FN3K: variants seen among roughly 807,000 people sequenced by gnomAD.
FN3K encodes the protein fructosamine 3 kinase, also known as fructosamine-3-kinase.
In FN3K, 24 loss-of-function variants were observed where a neutral mutation model predicts 24.8. The ratio of observed to expected loss-of-function variants is 0.97; its 90% CI spans 0.70 to 1.36. The LOEUF is 1.36. Ranked by LOEUF, FN3K falls within the 40% of genes most tolerant of loss-of-function variation. FN3K has a pLI of 0.00. For missense variants in FN3K, 449 were observed against 416.7 expected (o/e 1.08, Z -0.67); for synonymous variants, 192 against 175.2 (o/e 1.10, Z -0.76).
intron 4 of FN3K, among the ~76,000 whole-genome samples, chr17:82,742,157 G>A (rs1051880586): frequency 3.3e-5 from 5 of 152,034 alleles, no homozygotes; most frequent in African/African-American, 1.2e-4. Context: ...TGCCCTCCTC[G>A]GCCTTCCAAA....
chr17:82,738,511 A>T lies in FN3K; in HGVS notation c.164A>T (p.Glu55Val), dbSNP rs759198126. 6.2e-7 allele frequency: 1 copy of T among 1,611,376 alleles called. No homozygotes were observed. Among genetic ancestry groups the T allele is most frequent in the Non-Finnish European group, 8.5e-7 (1 of 1,179,206 alleles). Residue 55 changes from glutamate to valine, a missense_variant, in exon 2 of 6, where the codon GAG (glutamate) becomes GTG (valine). Glu to Val is a moderately radical substitution (Grantham distance 121). Transcript: ENST00000300784. ...CAGGCCCGGCAGATGTTTGAGGGGGAGGTGGCCAGCCTGGAGGCCCTCAGG... is the reference window on the plus strand; with the variant it reads ...CAGGCCCGGCAGATGTTTGAGGGGGTGGTGGCCAGCCTGGAGGCCCTCAGG... ...RTQARQMFEGEVASLEALRST... is the reference protein window; with the variant it reads ...RTQARQMFEGVVASLEALRST...
intron 4 of FN3K, chr17:82,742,641 G>T (rs761284866): frequency 2.2e-6 from 1 of 452,216 alleles, no homozygotes; most frequent in South Asian, 1.6e-5. Context: ...TAATACTGGA[G>T]CCTCTTGAAC....
At chr17:82,735,927 C>A in intron 1 of FN3K, 150 bp downstream of exon 1, 2 of 1,025,560 alleles carry the variant, frequency 2.0e-6, no homozygotes, top group Non-Finnish European at 2.8e-6. Context: ...GTGAGCCCGG[C>A]TCAAGCGTTC....
chr17:82,736,576 G>A (rs1415502112), intron 1 of FN3K: 1 of 152,658 alleles, frequency 6.6e-6, no homozygotes. Context: ...GGAGGAAGTG[G>A]AGAAGGTTAG....
intron 4 of FN3K, among the ~76,000 whole-genome samples, chr17:82,743,592 T>C (rs2046952591): frequency 6.6e-6 from 1 of 152,186 alleles, no homozygotes; most frequent in Non-Finnish European, 1.5e-5. Flanking sequence ...GCCAGCTGGG[T>C]CGGCTGTGGT....
In FN3K at chr17:82,750,483, T is replaced by G; in HGVS notation, c.658T>G (p.Ser220Ala). The change falls in exon 6 of 6, where the codon TCG (serine) becomes GCG (alanine). Residue 220 changes from serine to alanine, a missense_variant. Physicochemically the swap from Ser to Ala is moderately conservative, Grantham distance 99. Coordinates refer to ENST00000300784, the MANE Select transcript of FN3K (RefSeq NM_022158.4). ...VPALLHGDLW[S>A]GNVAEDDVGP... ...CGCGTTGCTCCACGGGGATCTCTGGTCGGGAAACGTGGCTGAGGACGACGT... is the reference window on the plus strand; with the variant it reads ...CGCGTTGCTCCACGGGGATCTCTGGGCGGGAAACGTGGCTGAGGACGACGT... 1 of 1,614,154 alleles carries G rather than the reference T, an allele frequency of 6.2e-7. No homozygotes were observed. Among genetic ancestry groups the G allele is most frequent in the Admixed American group, 1.7e-5 (1 of 60,022 alleles).
chr17:82,741,762 A>G (rs1393985240), intron 4 of FN3K, among the ~76,000 whole-genome samples: 1 of 152,224 alleles, frequency 6.6e-6, no homozygotes, highest in African/African-American at 2.4e-5. Flanking sequence ...GCCTTTACAA[A>G]TTATTATTTA....
intron 4 of FN3K, among the ~76,000 whole-genome samples, chr17:82,746,882 T>TG (rs1406641856): frequency 6.6e-6 from 1 of 152,028 alleles, no homozygotes; most frequent in Non-Finnish European, 1.5e-5. Flanking sequence ...TAGAGTGCAG[T>TG]GGTAAGATCT....
Position 82,738,942 on chromosome 17 carries a change from ATATAT to A in FN3K, c.293+304_293+308del, listed in dbSNP as rs1202774992. 1.2e-3 allele frequency among the ~76,000 whole-genome samples: 131 copies of A among 106,706 alleles called. 3 individuals are homozygous for A. The highest frequency in any genetic ancestry group is 3.8e-3 in the African/African-American group (93 of 24,200). The allele number at this position is 106,706 out of a possible 152,430, so 70.0% of individuals were successfully genotyped here. ...TATATACACATATATATATATATATATATATTTTTTTTTTTTTTGAAACACAGTCT... is the reference window on the plus strand; with the variant it reads ...TATATACACATATATATATATATATATTTTTTTTTTTTTGAAACACAGTCT... On this transcript the variant is annotated intron_variant, in intron 2 of 5. Coordinates refer to ENST00000300784, the MANE Select transcript of FN3K (RefSeq NM_022158.4).
chr17:82,743,773 C>T (rs1309392003), intron 4 of FN3K, among the ~76,000 whole-genome samples: 3 of 152,236 alleles, frequency 2.0e-5, no homozygotes, highest in Non-Finnish European at 4.4e-5. Flanking sequence ...TGGAGCTTGT[C>T]AGCGGGGCAG....
chr17:82,739,122 A>G (rs1455672559), intron 2 of FN3K, among the ~76,000 whole-genome samples: 1 of 150,254 alleles, frequency 6.7e-6, no homozygotes, highest in Non-Finnish European at 1.5e-5. Flanking sequence ...TAATTTTTGT[A>G]TTTTTAGTAG....
At chr17:82,748,146 T>C (rs1368781296) in intron 4 of FN3K, among the ~76,000 whole-genome samples, 1 of 151,658 alleles carries the variant, frequency 6.6e-6, no homozygotes, top group Admixed American at 6.6e-5. Context: ...AGCTTTCTTT[T>C]TTTTTTTCTT....
At chr17:82,750,342 C>T in intron 5 of FN3K, 75 bp from the exon 6 acceptor site, 1 of 1,353,166 alleles carries the variant, frequency 7.4e-7, no homozygotes, top group Non-Finnish European at 1.1e-6. Flanking sequence ...GTGGGCTTTG[C>T]CTTATTTCCA....
chr17:82,740,985 A>T lies in FN3K; in HGVS notation c.385+131A>T, dbSNP rs901936004. ...ATACCGTCTGTCTTTACACTACATT[A>T]TGAAAATGAGATTATTAAATAAGAA... On this transcript the variant is annotated intron_variant, in intron 3 of 5. Transcript: ENST00000300784. 3.4e-5 allele frequency: 24 copies of T among 705,870 alleles called. 1 individual carries two copies. Among genetic ancestry groups the T allele is most frequent in the African/African-American group, 3.0e-4 (17 of 55,924 alleles). 43.7% of individuals were successfully genotyped at this position (705,870 alleles called of 1,614,324 possible). A position where few individuals can be genotyped will look rare whatever the true frequency, so the allele number is the denominator to read the frequency against.
chr17:82,748,428 G>A (rs920901287), intron 4 of FN3K, among the ~76,000 whole-genome samples: 4 of 151,928 alleles, frequency 2.6e-5, no homozygotes, highest in Non-Finnish European at 2.9e-5. Flanking sequence ...AATTGCAGGC[G>A]TGAGCCACTG....
At chr17:82,747,267 T>G (rs1000058679) in intron 4 of FN3K, among the ~76,000 whole-genome samples, 1 of 152,258 alleles carries the variant, frequency 6.6e-6, no homozygotes, top group Non-Finnish European at 1.5e-5. Flanking sequence ...TCACAAATTA[T>G]AAGTTGTGTT....
In FN3K at chr17:82,750,905, T is replaced by G; in HGVS notation, c.*150T>G. On this transcript the variant is annotated 3_prime_UTR_variant, in exon 6 of 6. Transcript: ENST00000300784. Reference sequence around the variant, plus strand: ...CCATCCCCCCGTCCCCCCATCCTCCTGTCCCCGTCCCCCCGTCCCCGTCCC... The same window carrying G: ...CCATCCCCCCGTCCCCCCATCCTCCGGTCCCCGTCCCCCCGTCCCCGTCCC... 2 of 353,362 alleles carry G rather than the reference T, an allele frequency of 5.7e-6. No homozygotes were observed. Among genetic ancestry groups the G allele is most frequent in the East Asian group, 5.0e-5 (1 of 20,102 alleles). 21.9% of individuals were successfully genotyped at this position (353,362 alleles called of 1,614,324 possible).
intron 4 of FN3K, among the ~76,000 whole-genome samples, chr17:82,745,889 C>T (rs867464283): frequency 8.6e-5 from 13 of 151,892 alleles, no homozygotes; most frequent in South Asian, 6.2e-4. Flanking sequence ...GTCAGGAGGT[C>T]GAGACCATCA....
intron 4 of FN3K, chr17:82,742,884 C>T: frequency 2.8e-6 from 1 of 360,804 alleles, no homozygotes; most frequent in South Asian, 2.1e-5. Context: ...AATGACCAAG[C>T]TCTCCCTGGT....
Sources: allele counts gnomAD v4.1 joint callset (sites outside exome capture counted in the v4.1 genomes callset), GRCh38; gene constraint gnomAD v4.1.1; transcripts MANE v1.5; gene names NCBI Gene and HGNC (gene_info 2026-07-23, HGNC 2026-07-21).